The following RGS10 variants were observed in gnomAD, a reference collection of about 807,000 sequenced individuals.
RGS10 encodes the protein regulator of G-protein signalling 10.
RGS10 carries 11 observed loss-of-function variants against 23.5 expected under a neutral mutation model. That is an observed-to-expected ratio of 0.47 (90% CI 0.29 to 0.77). The LOEUF is 0.77. Among genes scored for constraint, RGS10 ranks in the 30% least tolerant of loss-of-function variants. The probability of loss-of-function intolerance (pLI) is 0.08; values close to 1 mark genes in which losing one functional copy is unlikely to be tolerated. For synonymous variants in RGS10, 77 were observed against 83.2 expected, an observed-to-expected ratio of 0.92 and a Z score of 0.41; for missense variants, 180 against 226.3, an observed-to-expected ratio of 0.80 and a Z score of 1.31.
rs925712939 is a variant in RGS10, at chr10:119,537,636, G to A, written c.49+4954C>T. On this transcript the variant is annotated intron_variant, in intron 1 of 4. Transcript: ENST00000369103. ...AAGATGCCAGAAATGAAAGGTGGGGGCTATTTTCTCACAGAACTTAAAATG... is the reference window on the plus strand; with the variant it reads ...AAGATGCCAGAAATGAAAGGTGGGGACTATTTTCTCACAGAACTTAAAATG... 3.3e-5 allele frequency among the ~76,000 whole-genome samples: 5 copies of A among 152,266 alleles called. No homozygotes were observed. The South Asian group carries it at 6.2e-4, about 19-fold the overall frequency.
In RGS10 at chr10:119,517,654, T is replaced by G. The variant is rs1445507300; in HGVS notation, c.256-2002A>C. On this transcript the variant is annotated intron_variant, in intron 3 of 4. Transcript: ENST00000369103. The surrounding 1 kb of genome is among the most constrained non-coding windows in gnomAD (Gnocchi z 5.0). ...AGAAATCACTTTAGACCTCCCCTCC[T>G]CCCCTTGACATTCACACGCACACAC... Among the ~76,000 whole-genome samples, 1 of 152,120 alleles carries G rather than the reference T, an allele frequency of 6.6e-6. No individual in the cohort carries two copies. Among genetic ancestry groups the G allele is most frequent in the African/African-American group, 2.4e-5 (1 of 41,424 alleles).
At chr10:119,500,770 T>G (rs555611758) in intron 4 of RGS10, among the ~76,000 whole-genome samples, 1 of 150,816 alleles carries the variant, frequency 6.6e-6, no homozygotes, top group Admixed American at 6.7e-5. Flanking sequence ...AAATGAGGCG[T>G]GCTCACTGCA....
intron 4 of RGS10, among the ~76,000 whole-genome samples, chr10:119,508,100 C>T (rs1038800462): frequency 6.6e-6 from 1 of 152,060 alleles, no homozygotes; most frequent in Non-Finnish European, 1.5e-5. Flanking sequence ...CGGGTTCAAG[C>T]GATTTTCCTG....
chr10:119,541,995 T>G (rs1413838107), intron 1 of RGS10, among the ~76,000 whole-genome samples: 3 of 152,236 alleles, frequency 2.0e-5, no homozygotes, highest in Non-Finnish European at 2.9e-5. Flanking sequence ...TGGCCCAAAG[T>G]GACGGCCAAG....
At chr10:119,520,124 G>A (rs1844196810) in intron 3 of RGS10, among the ~76,000 whole-genome samples, 1 of 152,144 alleles carries the variant, frequency 6.6e-6, no homozygotes, top group Non-Finnish European at 1.5e-5. Flanking sequence ...TTCCAGAGAT[G>A]GAATGTGGGA....
At position 119,513,317 on chromosome 10, in the gene RGS10, G is replaced by A. The variant is rs551045286; in HGVS notation, c.399+2192C>T. On this transcript the variant is annotated intron_variant, in intron 4 of 4. Coordinates refer to ENST00000369103, the MANE Select transcript of RGS10 (RefSeq NM_001005339.2). ...TACAAAAAAAATACAAAAATTAGCT[G>A]GGCATGGTGGCACACACCTGTAGTC... Among the ~76,000 whole-genome samples the A allele has an allele frequency of 4.6e-5, 7 of 152,030 alleles. No individual in the cohort carries two copies. The South Asian group carries it at 1.0e-3, about 22-fold the overall frequency.
chr10:119,509,538 C>T (rs1358164152), intron 4 of RGS10, among the ~76,000 whole-genome samples: 1 of 152,138 alleles, frequency 6.6e-6, no homozygotes, highest in East Asian at 1.9e-4. Context: ...CTACAGTGAG[C>T]CAAGATCACA....
In RGS10 at chr10:119,506,563, G is replaced by A. The variant is rs572110943; in HGVS notation, c.400-6304C>T. On this transcript the variant is annotated intron_variant, in intron 4 of 4. Coordinates refer to ENST00000369103, the MANE Select transcript of RGS10 (RefSeq NM_001005339.2). ...GTCCGCTTTTTTCTACCGTCCACAC[G>A]ATTCAAATTCCAGGCCCAAATGACA... Among the ~76,000 whole-genome samples the A allele has an allele frequency of 1.3e-4, 20 of 152,322 alleles. No homozygotes were observed. In the South Asian group the frequency reaches 2.5e-3, roughly 19 times the overall value.
At chr10:119,533,523 T>G (rs4752325) in intron 1 of RGS10, among the ~76,000 whole-genome samples, 70,099 of 152,066 alleles carry the variant, frequency 0.46, 18,888 homozygotes, top group Non-Finnish European at 0.61. Flanking sequence ...AACTTAAGAA[T>G]AAAGCAAAAC....
intron 4 of RGS10, among the ~76,000 whole-genome samples, chr10:119,512,375 AT>A (rs1844088573): frequency 6.6e-6 from 1 of 152,136 alleles, no homozygotes; most frequent in East Asian, 1.9e-4. Context: ...CTGAGCACGC[AT>A]TTTGACAGTT....
At position 119,542,681 on chromosome 10, in the gene RGS10, G is replaced by A. The variant is rs752800940; in HGVS notation, c.-43C>T. 97 of 1,333,648 alleles carry A rather than the reference G, an allele frequency of 7.3e-5. No individual in the cohort carries two copies. The highest frequency in any genetic ancestry group is 8.5e-5 in the Non-Finnish European group (89 of 1,042,134). 82.6% of individuals were successfully genotyped at this position (1,333,648 alleles called of 1,614,324 possible). On this transcript the variant is annotated 5_prime_UTR_variant, in exon 1 of 5. Transcript: ENST00000369103. ...GAGGAAGAAGGAGCAGCCCGGCGGC[G>A]CGGCGGCTGAGCCGGAGGAAGGCGA...
rs1177038646 is a variant in RGS10, at chr10:119,527,443, A to G, written c.50-19T>C. 1.3e-6 allele frequency: 2 copies of G among 1,583,972 alleles called. No individual in the cohort carries two copies. The highest frequency in any genetic ancestry group is 1.7e-6 in the Non-Finnish European group (2 of 1,152,572). ...TGGATGTCTGCAAAGCAAAGTTCAGACTGCATATGTGGCCAACAGACACTG... is the reference window on the plus strand; with the variant it reads ...TGGATGTCTGCAAAGCAAAGTTCAGGCTGCATATGTGGCCAACAGACACTG... On this transcript the variant is annotated intron_variant, in intron 1 of 4. Transcript: ENST00000369103. The surrounding 1 kb of genome is among the most constrained non-coding windows in gnomAD (Gnocchi z 4.2).
chr10:119,500,272 A>T lies in RGS10; in HGVS notation c.400-13T>A, dbSNP rs1321560548. On this transcript the variant is annotated splice_polypyrimidine_tract_variant and intron_variant, in intron 4 of 4. Coordinates refer to ENST00000369103, the MANE Select transcript of RGS10 (RefSeq NM_001005339.2). The stretch of plus-strand genomic sequence containing the variant: ...TGAGATTAAAGATCTAAGGAGGAAA[A>T]GAAAAAAGAGTCTGAAGGCTGAGGC... 1.2e-6 allele frequency: 2 copies of T among 1,603,098 alleles called. No homozygotes were observed. Among genetic ancestry groups the T allele is most frequent in the Non-Finnish European group, 8.5e-7 (1 of 1,176,896 alleles).
In RGS10 at chr10:119,500,255, A is replaced by T; in HGVS notation, c.404T>A (p.Phe135Tyr). The T allele has an allele frequency of 1.2e-6, 2 of 1,610,004 alleles. No individual in the cohort carries two copies. Among genetic ancestry groups the T allele is most frequent in the Non-Finnish European group, 1.7e-6 (2 of 1,179,030 alleles). The change falls in exon 5 of 5, where the codon TTT becomes TAT. Residue 135 changes from phenylalanine to tyrosine, a missense_variant. Physicochemically the swap from Phe to Tyr is conservative, Grantham distance 22 (BLOSUM62 3). Coordinates refer to ENST00000369103, the MANE Select transcript of RGS10 (RefSeq NM_001005339.2). ...LMFQKLQDQI[F>Y]NLMKYDSYSR... ...GTAGCTGTCGTACTTCATGAGATTA[A>T]AGATCTAAGGAGGAAAAGAAAAAAG...
chr10:119,504,115 G>A (rs1052943469), intron 4 of RGS10, among the ~76,000 whole-genome samples: 2 of 152,226 alleles, frequency 1.3e-5, no homozygotes, highest in African/African-American at 2.4e-5. Context: ...GCCCGTGAAT[G>A]TTAAATGACT....
At chr10:119,534,681 G>A (rs966431811) in intron 1 of RGS10, among the ~76,000 whole-genome samples, 1 of 149,592 alleles carries the variant, frequency 6.7e-6, no homozygotes, top group African/African-American at 2.5e-5. Flanking sequence ...ACGAGGTCAA[G>A]AGATCGAAAC....
intron 1 of RGS10, among the ~76,000 whole-genome samples, chr10:119,532,354 C>T (rs1480544769): frequency 1.3e-5 from 2 of 152,148 alleles, no homozygotes; most frequent in Non-Finnish European, 2.9e-5. Context: ...AGGCTGAGGG[C>T]ACTTCTGCAA....
At chr10:119,521,728 A>ATT (rs1844220930) in intron 3 of RGS10, among the ~76,000 whole-genome samples, 15 of 152,038 alleles carry the variant, frequency 9.9e-5, no homozygotes, top group Non-Finnish European at 2.2e-4. Flanking sequence ...AAAGAAAAAA[A>ATT]AAAAAAAACA....
At chr10:119,541,621 A>G (rs1425342481) in intron 1 of RGS10, among the ~76,000 whole-genome samples, 4 of 152,154 alleles carry the variant, frequency 2.6e-5, no homozygotes, top group Admixed American at 2.6e-4. Flanking sequence ...AAATGCACCA[A>G]CGCGTTGGGA....
Sources: allele counts gnomAD v4.1 joint callset (sites outside exome capture counted in the v4.1 genomes callset), GRCh38; gene constraint gnomAD v4.1.1; non-coding constraint Gnocchi (gnomAD v3.1); transcripts MANE v1.5; gene names NCBI Gene and HGNC (gene_info 2026-07-23, HGNC 2026-07-21).